The following LARS2 variants were observed in gnomAD, a reference collection of about 807,000 sequenced individuals.
The protein encoded by LARS2 is leucyl-tRNA synthetase 2, mitochondrial.
Under a neutral mutation model 116.6 loss-of-function variants are expected in LARS2, and 81 were observed. That is an observed-to-expected ratio of 0.69 (90% CI 0.58 to 0.84). LARS2 has a LOEUF of 0.84. Ranked by LOEUF, LARS2 falls within the 40% of genes least tolerant of loss-of-function variation. The probability of loss-of-function intolerance (pLI) is 0.00; values close to 1 mark genes in which losing one functional copy is unlikely to be tolerated. For missense variants in LARS2, 968 were observed against 1,114.5 expected (o/e 0.87, Z 1.87); for synonymous variants, 396 against 407.2 (o/e 0.97, Z 0.33).
chr3:45,537,088 C>T (rs144920818), intron 20 of LARS2, among the ~76,000 whole-genome samples: 21 of 151,614 alleles, frequency 1.4e-4, no homozygotes, highest in African/African-American at 5.1e-4. Context: ...GAGATTAGTC[C>T]CTTGTCCAAA....
intron 19 of LARS2, 56 bp downstream of exon 19, chr3:45,520,352 A>AG: frequency 7.1e-7 from 1 of 1,415,834 alleles, no homozygotes; most frequent in Non-Finnish European, 1.0e-6. Context: ...AGGTGTGGCA[A>AG]GGGGCCCCAC....
At chr3:45,439,993 A>C (rs1200759725) in intron 6 of LARS2, among the ~76,000 whole-genome samples, 1 of 152,222 alleles carries the variant, frequency 6.6e-6, no homozygotes. Flanking sequence ...AGTAACTTTT[A>C]AAGTTCAATT....
chr3:45,461,200 G>A (rs1699317453), intron 8 of LARS2, among the ~76,000 whole-genome samples: 2 of 151,544 alleles, frequency 1.3e-5, no homozygotes, highest in African/African-American at 2.4e-5. Flanking sequence ...GGAGAGAGTA[G>A]AAACTTTTTT....
At chr3:45,452,685 G>A (rs1027279599) in intron 7 of LARS2, among the ~76,000 whole-genome samples, 7 of 152,096 alleles carry the variant, frequency 4.6e-5, no homozygotes, top group African/African-American at 7.2e-5. Flanking sequence ...GGATATCAGG[G>A]TAATGCTGGC....
chr3:45,467,853 A>C (rs1699453098), intron 8 of LARS2, among the ~76,000 whole-genome samples: 1 of 152,188 alleles, frequency 6.6e-6, no homozygotes, highest in Non-Finnish European at 1.5e-5. Context: ...CAAGGTAGCC[A>C]AGGTGGGTAG....
chr3:45,454,931 G>A (rs186038959), intron 7 of LARS2, among the ~76,000 whole-genome samples: 51 of 152,192 alleles, frequency 3.4e-4, no homozygotes, highest in East Asian at 1.2e-3. Flanking sequence ...GGATTTTGAC[G>A]ACTCCAAATT....
intron 7 of LARS2, among the ~76,000 whole-genome samples, chr3:45,455,124 C>CTT (rs370123180): frequency 2.3e-5 from 3 of 129,050 alleles, no homozygotes; most frequent in Non-Finnish European, 3.4e-5. Context: ...TTGTGTTTTG[C>CTT]TTTTTTTTTT....
intron 10 of LARS2, among the ~76,000 whole-genome samples, chr3:45,476,936 T>C (rs1445169357): frequency 2.6e-5 from 4 of 152,208 alleles, no homozygotes; most frequent in African/African-American, 9.6e-5. Flanking sequence ...GGAGAAGATA[T>C]AGGAATCTAT....
chr3:45,467,175 T>A (rs1014779422), intron 8 of LARS2, among the ~76,000 whole-genome samples: 4 of 152,178 alleles, frequency 2.6e-5, no homozygotes, highest in Non-Finnish European at 4.4e-5. Context: ...CAGTGCTCTG[T>A]CCTTACCCTG....
intron 4 of LARS2, among the ~76,000 whole-genome samples, chr3:45,413,072 A>C (rs1698358639): frequency 6.6e-6 from 1 of 152,236 alleles, no homozygotes; most frequent in Non-Finnish European, 1.5e-5. Context: ...GGGGCCAAGT[A>C]CTTGATTGGC....
At chr3:45,441,528 G>A (rs569801306) in intron 6 of LARS2, among the ~76,000 whole-genome samples, 4 of 152,290 alleles carry the variant, frequency 2.6e-5, no homozygotes, top group East Asian at 1.9e-4. Context: ...ATGGCTCCAG[G>A]GTCTTTCCTG....
chr3:45,420,787 A>G (rs932690477), intron 6 of LARS2, among the ~76,000 whole-genome samples: 13 of 152,040 alleles, frequency 8.6e-5, no homozygotes, highest in African/African-American at 3.1e-4. Context: ...GGACTTAATA[A>G]CCCTTTAGAG....
At chr3:45,435,713 CA>C (rs142414839) in intron 6 of LARS2, among the ~76,000 whole-genome samples, 8,814 of 151,930 alleles carry the variant, frequency 0.058, 340 homozygotes, top group African/African-American at 0.11. Context: ...TTGTTAGCTG[CA>C]ATTCTGGGGC....
intron 4 of LARS2, among the ~76,000 whole-genome samples, chr3:45,400,596 G>C (rs1015372811): frequency 1.3e-5 from 2 of 152,174 alleles, no homozygotes; most frequent in Admixed American, 6.5e-5. Context: ...TGTTGTGCTG[G>C]GGTGGAGATC....
At chr3:45,481,151 T>G (rs1034577365) in intron 10 of LARS2, among the ~76,000 whole-genome samples, 1 of 152,218 alleles carries the variant, frequency 6.6e-6, no homozygotes, top group Non-Finnish European at 1.5e-5. Flanking sequence ...AAATATAATA[T>G]TTGTCATCTT....
intron 9 of LARS2, among the ~76,000 whole-genome samples, chr3:45,475,086 A>T (rs1699589241): frequency 6.6e-6 from 1 of 151,816 alleles, no homozygotes; most frequent in Admixed American, 6.6e-5. Flanking sequence ...TATCCTTCTG[A>T]TTTCTCCTTC....
intron 15 of LARS2, among the ~76,000 whole-genome samples, chr3:45,505,653 C>T (rs1047663389): frequency 6.6e-6 from 1 of 151,932 alleles, no homozygotes; most frequent in Non-Finnish European, 1.5e-5. Context: ...ATTGCCACTG[C>T]ACGCTAGCCT....
In LARS2 at chr3:45,485,763, G is replaced by A. The variant is rs780846853; in HGVS notation, c.1090G>A (p.Ala364Thr). 16 of 1,611,558 alleles carry A rather than the reference G, an allele frequency of 9.9e-6. No individual in the cohort carries two copies. Among genetic ancestry groups the A allele is most frequent in the Non-Finnish European group, 1.3e-5 (15 of 1,178,618 alleles). Reference sequence around the variant, plus strand: ...GGTCCCTGTCGTTATTTTGGCCAAAGCTGACTTGGAAGGCTCTCTGGATTC... The same window carrying A: ...GGTCCCTGTCGTTATTTTGGCCAAAACTGACTTGGAAGGCTCTCTGGATTC... Reference protein sequence around the residue: ...QEVPVVILAKADLEGSLDSKI... With the variant: ...QEVPVVILAKTDLEGSLDSKI... The change falls in exon 11 of 22, where the codon GCT (alanine) becomes ACT (threonine). Residue 364 changes from alanine to threonine, a missense_variant. Ala to Thr is a moderately conservative substitution (Grantham distance 58). Coordinates refer to ENST00000645846, the MANE Select transcript of LARS2 (RefSeq NM_015340.4).
chr3:45,452,894 C>T (rs1699156222), intron 7 of LARS2, among the ~76,000 whole-genome samples: 1 of 152,006 alleles, frequency 6.6e-6, no homozygotes, highest in South Asian at 2.1e-4. Flanking sequence ...TTCGATCTTG[C>T]TAGGTTGTGT....
Sources: gnomAD v4.1 joint callset for allele counts (sites outside exome capture counted in the v4.1 genomes callset) on GRCh38, gnomAD v4.1.1 for gene constraint, MANE v1.5 for transcripts, NCBI Gene and HGNC (gene_info 2026-07-23, HGNC 2026-07-21) for gene names.